Variants in AKAP12 observed in about 807,000 individuals in gnomAD.
AKAP12 encodes the protein A-kinase anchoring protein 12.
In AKAP12, 32 loss-of-function variants were observed where a neutral mutation model predicts 79.9. The observed-to-expected ratio is 0.40, with a 90% confidence interval of 0.30 to 0.54. The LOEUF is 0.54. AKAP12 is among the 20% of genes least tolerant of loss of function. AKAP12 has a pLI of 0.48. For missense variants in AKAP12, 2,074 were observed against 2,177.0 expected (o/e 0.95, Z 0.94); for synonymous variants, 808 against 857.0 (o/e 0.94, Z 1.00).
chr6:151,355,427 C>T (rs1249348795), intron 4 of AKAP12, among the ~76,000 whole-genome samples: 4 of 151,518 alleles, frequency 2.6e-5, no homozygotes, highest in East Asian at 1.9e-4. Context: ...CTCAGCCTCC[C>T]GAATAGCAGG....
intron 3 of AKAP12, among the ~76,000 whole-genome samples, chr6:151,317,223 G>A (rs1180145589): frequency 6.6e-6 from 1 of 152,118 alleles, no homozygotes; most frequent in African/African-American, 2.4e-5. Flanking sequence ...CCACTTGAAG[G>A]TTTGCGGAGT....
chr6:151,325,979 G>A lies in AKAP12; in HGVS notation c.319+20076G>A. On this transcript the variant is annotated intron_variant, in intron 3 of 4. Transcript: ENST00000402676. ...TTCCGTTGAATGAGCGTTTGGTGGG[G>A]AGCCCGGGAGGTCAGTGGCGGGACC... 4 of 1,574,780 alleles carry A rather than the reference G, an allele frequency of 2.5e-6. No individual in the cohort carries two copies. In the South Asian group the frequency reaches 4.5e-5, roughly 18 times the overall value.
intron 2 of AKAP12, among the ~76,000 whole-genome samples, chr6:151,266,073 A>G (rs918419657): frequency 1.1e-4 from 16 of 152,214 alleles, no homozygotes; most frequent in African/African-American, 3.9e-4. Flanking sequence ...GGGCTGATCA[A>G]AATATCTGGA....
At chr6:151,257,124 T>C (rs1215442054) in intron 2 of AKAP12, among the ~76,000 whole-genome samples, 1 of 152,100 alleles carries the variant, frequency 6.6e-6, no homozygotes, top group African/African-American at 2.4e-5. Flanking sequence ...AGTGTGGTGC[T>C]GAGGTTTGGG....
rs191582436 is a variant in AKAP12 at position 151,350,056 on chromosome 6, G to A, written c.1665G>A (p.Pro555=). ...GEHTQVPADS[P]DSQEEQKGES... is the part of the protein sequence containing the mutation. Reference sequence around the variant, plus strand: ...ACACTCAGGTTCCAGCCGATTCTCCGGACAGCCAGGAGGAGCAAAAGGGCG... The same window carrying A: ...ACACTCAGGTTCCAGCCGATTCTCCAGACAGCCAGGAGGAGCAAAAGGGCG... Residue 555 remains proline, a synonymous_variant, in exon 4 of 5, where the codon CCG becomes CCA. Coordinates refer to ENST00000402676, the MANE Select transcript of AKAP12 (RefSeq NM_005100.4). This position sits in a 1 kb window ranked among gnomAD's most constrained non-coding sequence, Gnocchi z 4.8. The A allele has an allele frequency of 2.0e-5, 33 of 1,614,118 alleles. No individual in the cohort carries two copies. The East Asian group carries it at 3.1e-4, about 15-fold the overall frequency.
At chr6:151,301,685 A>G (rs1562728266) in intron 2 of AKAP12, among the ~76,000 whole-genome samples, 1 of 152,186 alleles carries the variant, frequency 6.6e-6, no homozygotes, top group Non-Finnish European at 1.5e-5. Context: ...GGTGCCTCAT[A>G]GGCTCTGAAA....
chr6:151,331,057 G>T (rs1467574314), intron 3 of AKAP12, among the ~76,000 whole-genome samples: 1 of 152,210 alleles, frequency 6.6e-6, no homozygotes, highest in Admixed American at 6.5e-5. Context: ...CATTTATCTG[G>T]AGATAAACCC....
chr6:151,341,541 T>G, intron 3 of AKAP12: 1 of 282,276 alleles, frequency 3.5e-6, no homozygotes, highest in Non-Finnish European at 6.0e-6. Context: ...GGCTGCGTCT[T>G]TTGTGATGTT....
chr6:151,321,968 G>A (rs1387024810), intron 3 of AKAP12, among the ~76,000 whole-genome samples: 2 of 146,744 alleles, frequency 1.4e-5, no homozygotes, highest in Non-Finnish European at 3.0e-5. Flanking sequence ...GAGTGCAGTG[G>A]TGCGATACCA....
At chr6:151,252,860 A>G (rs1346555673) in intron 2 of AKAP12, among the ~76,000 whole-genome samples, 1 of 152,160 alleles carries the variant, frequency 6.6e-6, no homozygotes, top group African/African-American at 2.4e-5. Context: ...GGGTGCACCT[A>G]AAAAATGAAA....
At chr6:151,305,658 A>G in intron 2 of AKAP12, 89 bp from the exon 3 acceptor site, 6 of 1,274,248 alleles carry the variant, frequency 4.7e-6, no homozygotes, top group South Asian at 3.1e-5. Flanking sequence ...TTCTTCTTTC[A>G]CTGGTTTGTA....
At chr6:151,326,509 A>T (rs972697369) in intron 3 of AKAP12, among the ~76,000 whole-genome samples, 2 of 151,408 alleles carry the variant, frequency 1.3e-5, no homozygotes, top group East Asian at 3.9e-4. Context: ...AAAAAAAAGA[A>T]AAAAAGAAAA....
intron 3 of AKAP12, among the ~76,000 whole-genome samples, chr6:151,329,148 T>G (rs1015943075): frequency 3.8e-4 from 57 of 151,968 alleles, no homozygotes; most frequent in African/African-American, 1.3e-3. Flanking sequence ...GAAGTCTCAC[T>G]CTGTCACCCA....
chr6:151,291,738 T>C (rs1776626390), intron 2 of AKAP12, among the ~76,000 whole-genome samples: 1 of 152,238 alleles, frequency 6.6e-6, no homozygotes, highest in African/African-American at 2.4e-5. Flanking sequence ...CATTATCAGC[T>C]AAATGTTTAA....
intron 2 of AKAP12, among the ~76,000 whole-genome samples, chr6:151,287,185 C>T (rs577622679): frequency 1.2e-4 from 19 of 152,130 alleles, no homozygotes; most frequent in South Asian, 4.1e-4. Context: ...GTGATCCACC[C>T]GCCTCGGCCT....
intron 2 of AKAP12, among the ~76,000 whole-genome samples, chr6:151,267,752 A>C (rs541078236): frequency 3.3e-5 from 5 of 152,224 alleles, no homozygotes; most frequent in African/African-American, 1.2e-4. Context: ...CACCATCGCT[A>C]TGTATCACTA....
At chr6:151,302,906 T>C (rs1776892029) in intron 2 of AKAP12, among the ~76,000 whole-genome samples, 1 of 152,138 alleles carries the variant, frequency 6.6e-6, no homozygotes. Flanking sequence ...TAGAATACTC[T>C]GACATTTGGC....
chr6:151,245,452 C>T (rs980389307), intron 2 of AKAP12, among the ~76,000 whole-genome samples: 3 of 151,908 alleles, frequency 2.0e-5, no homozygotes, highest in African/African-American at 4.8e-5. Flanking sequence ...CCCACCACCA[C>T]GCCCAGCTAA....
At chr6:151,277,408 G>A (rs1483269216) in intron 2 of AKAP12, among the ~76,000 whole-genome samples, 1 of 152,136 alleles carries the variant, frequency 6.6e-6, no homozygotes. Flanking sequence ...TCCTCTTTAA[G>A]AAGTGTTTTT....
Sources: allele counts gnomAD v4.1 joint callset (sites outside exome capture counted in the v4.1 genomes callset), GRCh38; gene constraint gnomAD v4.1.1; non-coding constraint Gnocchi (gnomAD v3.1); transcripts MANE v1.5; gene names NCBI Gene and HGNC (gene_info 2026-07-23, HGNC 2026-07-21).